IRX1: variants seen among roughly 807,000 people sequenced by gnomAD.
The protein encoded by IRX1 is iroquois-class homeodomain protein IRX-1.
A neutral mutation model predicts 34.1 loss-of-function variants in IRX1; 22 were observed. The observed-to-expected ratio is 0.64, with a 90% confidence interval of 0.46 to 0.92. IRX1 has a LOEUF of 0.92. Ranked by LOEUF, IRX1 falls within the 40% of genes least tolerant of loss-of-function variation. The pLI is 0.00. For missense variants in IRX1, 758 were observed against 680.0 expected (o/e 1.11, Z -1.28); for synonymous variants, 363 against 319.0 (o/e 1.14, Z -1.47).
chr5:3,601,279 GC>G lies in IRX1; in HGVS notation c.*244del, dbSNP rs753958481. ...GCTGCGATTATCGGGTTCGGTAAATGCCCCCACGTGCTTGTGTCTCTTTCCC... is the reference window on the plus strand; with the variant it reads ...GCTGCGATTATCGGGTTCGGTAAATGCCCCACGTGCTTGTGTCTCTTTCCC... On this transcript the variant is annotated 3_prime_UTR_variant, in exon 4 of 4. Transcript: ENST00000302006. The G allele has an allele frequency of 4.0e-4, 231 of 572,660 alleles. 1 individual carries two copies. Among genetic ancestry groups the G allele is most frequent in the Non-Finnish European group, 2.3e-4 (74 of 320,102 alleles). The allele number at this position is 572,660 out of a possible 1,614,324, so 35.5% of individuals were successfully genotyped here. A position where few individuals can be genotyped will look rare whatever the true frequency, so the allele number is the denominator to read the frequency against.
chr5:3,598,701 A>T (rs1313545954), intron 1 of IRX1, among the ~76,000 whole-genome samples: 3 of 152,098 alleles, frequency 2.0e-5, no homozygotes, highest in East Asian at 3.9e-4. Flanking sequence ...AAAACCCGGG[A>T]TGGTTTATTT....
rs780209544 is a variant in IRX1 at position 3,600,686 on chromosome 5, G to A, written c.1385+5G>A. On this transcript the variant is annotated splice_donor_5th_base_variant and intron_variant, in intron 3 of 3. Transcript: ENST00000302006. The stretch of plus-strand genomic sequence containing the variant: ...CTTCCAGCCGGTACGCGACAAGTGA[G>A]TGCTGTTTGCTTTTGCTATGGGAGA... The A allele has an allele frequency of 1.9e-6, 3 of 1,613,192 alleles. No individual in the cohort carries two copies. The highest frequency in any genetic ancestry group is 3.3e-5 in the Admixed American group (2 of 60,020).
rs564478294 is a variant in IRX1, at chr5:3,596,184, G to A, written c.79G>A (p.Val27Met). 2,593 of 1,029,522 alleles carry A rather than the reference G, an allele frequency of 2.5e-3. 20 individuals are homozygous for A. Among genetic ancestry groups the A allele is most frequent in the African/African-American group, 0.023 (1,338 of 57,804 alleles). The allele number at this position is 1,029,522 out of a possible 1,614,324, so 63.8% of individuals were successfully genotyped here. Reference protein sequence around the residue: ...PGAYGGERPGVLAAAAAAAAA... With the variant: ...PGAYGGERPGMLAAAAAAAAA... The stretch of plus-strand genomic sequence containing the variant: ...CGCCTACGGCGGCGAGCGCCCGGGG[G>A]TGCTGGCCGCGGCCGCTGCGGCGGC... Residue 27 changes from valine to methionine, a missense_variant, in exon 1 of 4, where the codon GTG becomes ATG. Val to Met is a conservative substitution (Grantham distance 21). This residue lies in a region of IRX1 where 195 missense variants were observed against 195.0 expected (regional missense o/e 1.00). Coordinates refer to ENST00000302006, the MANE Select transcript of IRX1 (RefSeq NM_024337.4).
At position 3,599,962 on chromosome 5, in the gene IRX1, G is replaced by T; in HGVS notation, c.1014G>T (p.Ala338=). ...GAPKASPPPP[A]GHPGAHGPSA... ...CCAAGGCTTCGCCACCACCACCCGC[G>T]GGCCACCCCGGCGCGCACGGGCCCT... is the stretch of plus-strand genomic sequence containing the variant. The change falls in exon 2 of 4, where the codon GCG becomes GCT. Residue 338 remains alanine, a synonymous_variant. Transcript: ENST00000302006. This position sits in a 1 kb window ranked among gnomAD's most constrained non-coding sequence, Gnocchi z 6.6. 6.7e-7 allele frequency: 1 copy of T among 1,502,772 alleles called. No individual in the cohort carries two copies. Among genetic ancestry groups the T allele is most frequent in the South Asian group, 1.3e-5 (1 of 77,530 alleles). The allele number at this position is 1,502,772 out of a possible 1,614,324, so 93.1% of individuals were successfully genotyped here. A position where few individuals can be genotyped will look rare whatever the true frequency, so the allele number is the denominator to read the frequency against.
chr5:3,598,458 C>T (rs1397498424), intron 1 of IRX1, among the ~76,000 whole-genome samples: 1 of 152,104 alleles, frequency 6.6e-6, no homozygotes, highest in East Asian at 1.9e-4. Flanking sequence ...CCCTCCTGGC[C>T]GCCGGTGGCT....
intron 1 of IRX1, 40 bp downstream of exon 1, chr5:3,596,421 C>G: frequency 1.4e-6 from 2 of 1,446,998 alleles, no homozygotes; most frequent in Non-Finnish European, 1.8e-6. Flanking sequence ...CTCTGTCTCA[C>G]CCGCGCCAGG....
chr5:3,599,190 T>G lies in IRX1; in HGVS notation c.277-35T>G. On this transcript the variant is annotated intron_variant, in intron 1 of 3. Transcript: ENST00000302006. The surrounding 1 kb of genome is among the most constrained non-coding windows in gnomAD (Gnocchi z 6.6). ...TCCCTTTCTCTCTCCACTTCCCTCC[T>G]CTCTCTCCTCGATGGATCTGCCCTG... 1 of 1,581,646 alleles carries G rather than the reference T, an allele frequency of 6.3e-7. No homozygotes were observed. The highest frequency in any genetic ancestry group is 1.7e-5 in the Admixed American group (1 of 58,344).
chr5:3,598,963 C>T (rs569400966), intron 1 of IRX1, among the ~76,000 whole-genome samples: 3 of 152,136 alleles, frequency 2.0e-5, no homozygotes, highest in Admixed American at 2.0e-4. Context: ...GTGGCAAAAA[C>T]GATCTCCACT....
At chr5:3,598,615 C>CCCA in intron 1 of IRX1, among the ~76,000 whole-genome samples, 1 of 152,236 alleles carries the variant, frequency 6.6e-6, no homozygotes, top group Middle Eastern at 3.4e-3. Context: ...TGTGGGTAAA[C>CCCA]CATTATATGC....
At chr5:3,597,702 T>C (rs1329920934) in intron 1 of IRX1, among the ~76,000 whole-genome samples, 1 of 152,188 alleles carries the variant, frequency 6.6e-6, no homozygotes, top group Non-Finnish European at 1.5e-5. Context: ...AAGCGCAAAG[T>C]ACATTTTGGA....
chr5:3,600,421 A>G (rs1328753703), intron 2 of IRX1, among the ~76,000 whole-genome samples, 161 bp downstream of exon 2: 1 of 152,176 alleles, frequency 6.6e-6, no homozygotes, highest in East Asian at 1.9e-4. Flanking sequence ...AAAGCCAGAC[A>G]AGGCCCTAGG....
intron 1 of IRX1, among the ~76,000 whole-genome samples, chr5:3,598,530 G>A (rs1250477670): frequency 5.9e-5 from 9 of 151,446 alleles, no homozygotes; most frequent in Admixed American, 3.3e-4. Context: ...AAAAAAAATG[G>A]TGTTTTTGTT....
At position 3,598,422 on chromosome 5, in the gene IRX1, A is replaced by AG. The variant is rs1312096509; in HGVS notation, c.277-802dup. On this transcript the variant is annotated intron_variant, in intron 1 of 3. Coordinates refer to ENST00000302006, the MANE Select transcript of IRX1 (RefSeq NM_024337.4). Reference sequence around the variant, plus strand: ...AACTTAAGAGATGAAGTAACTGAGAAGAGGCCTAGGATACTGAACCGGTTC... The same window carrying AG: ...AACTTAAGAGATGAAGTAACTGAGAAGGAGGCCTAGGATACTGAACCGGTTC... Among the ~76,000 whole-genome samples, 7 of 152,308 alleles carry AG rather than the reference A, an allele frequency of 4.6e-5. No individual in the cohort carries two copies. The East Asian group carries it at 1.2e-3, about 25-fold the overall frequency.
rs780118042 is a variant in IRX1, at chr5:3,599,709, C to A, written c.761C>A (p.Ala254Glu). The change falls in exon 2 of 4, where the codon GCG (alanine) becomes GAG (glutamate). Residue 254 changes from alanine to glutamate, a missense_variant. Ala to Glu is a moderately radical substitution (Grantham distance 107, BLOSUM62 -1). Around this residue, in one of 3 missense-constraint regions of IRX1, gnomAD observed 529 missense variants for 418.8 expected, o/e 1.26. Coordinates refer to ENST00000302006, the MANE Select transcript of IRX1 (RefSeq NM_024337.4). The surrounding 1 kb of genome is among the most constrained non-coding windows in gnomAD (Gnocchi z 6.6). ...GAGGACAAGGCCGAGGCTCCGCACG[C>A]GCCCGCAGCCCCTTCTGCTCTTGCC... is the stretch of plus-strand genomic sequence containing the variant. ...DDEDKAEAPH[A>E]PAAPSALARD... 1.2e-6 allele frequency: 2 copies of A among 1,612,808 alleles called. No homozygotes were observed. Among genetic ancestry groups the A allele is most frequent in the Non-Finnish European group, 8.5e-7 (1 of 1,179,966 alleles).
Position 3,599,163 on chromosome 5 carries a change from T to C in IRX1, c.277-62T>C, listed in dbSNP as rs1733873001. 1.3e-6 allele frequency: 2 copies of C among 1,500,488 alleles called. No individual in the cohort carries two copies. Among genetic ancestry groups the C allele is most frequent in the South Asian group, 1.2e-5 (1 of 80,054 alleles). 92.9% of individuals were successfully genotyped at this position (1,500,488 alleles called of 1,614,324 possible). A position where few individuals can be genotyped will look rare whatever the true frequency, so the allele number is the denominator to read the frequency against. On this transcript the variant is annotated intron_variant, in intron 1 of 3. Transcript: ENST00000302006. This position sits in a 1 kb window ranked among gnomAD's most constrained non-coding sequence, Gnocchi z 6.6. ...TTGGGGACTCATGTCTCTCTCTCTC[T>C]CTCCCTTTCTCTCTCCACTTCCCTC... is the stretch of plus-strand genomic sequence containing the variant.
chr5:3,600,562 C>G (rs1490955818), intron 2 of IRX1, 47 bp from the exon 3 acceptor site: 5 of 1,551,884 alleles, frequency 3.2e-6, no homozygotes, highest in East Asian at 2.2e-5. Context: ...TGGGACCTCT[C>G]CCGCCCGTCT....
In IRX1 at chr5:3,599,338, G is replaced by A. The variant is rs773995407; in HGVS notation, c.390G>A (p.Arg130=). The A allele has an allele frequency of 6.2e-7, 1 of 1,614,078 alleles. No individual in the cohort carries two copies. The highest frequency in any genetic ancestry group is 8.5e-7 in the Non-Finnish European group (1 of 1,180,028). ...AGTTCCAATACGGGGACCCCGGGCGGCCCAAGAACGCCACCCGCGAGAGCA... is the reference window on the plus strand; with the variant it reads ...AGTTCCAATACGGGGACCCCGGGCGACCCAAGAACGCCACCCGCGAGAGCA... ...YGQFQYGDPG[R]PKNATRESTS... is the part of the protein sequence containing the mutation. Residue 130 remains arginine (R), a synonymous_variant, in exon 2 of 4, where the codon CGG becomes CGA. Coordinates refer to ENST00000302006, the MANE Select transcript of IRX1 (RefSeq NM_024337.4). This position sits in a 1 kb window ranked among gnomAD's most constrained non-coding sequence, Gnocchi z 6.6.
In IRX1 at chr5:3,601,010, G is replaced by A. The variant is rs766443357; in HGVS notation, c.1413G>A (p.Pro471=). The part of the protein sequence containing the change: ...DNSLAPQEGT[P]RILAALPSA ...CTCTGGCCCCGCAGGAGGGAACGCC[G>A]CGGATCCTAGCAGCCCTCCCGTCCG... Residue 471 remains proline, a synonymous_variant, in exon 4 of 4, where the codon CCG becomes CCA. Coordinates refer to ENST00000302006, the MANE Select transcript of IRX1 (RefSeq NM_024337.4). The A allele has an allele frequency of 2.5e-6, 4 of 1,612,628 alleles. No homozygotes were observed. In the African/African-American group the frequency reaches 5.4e-5, roughly 22 times the overall value.
At position 3,599,124 on chromosome 5, in the gene IRX1, C is replaced by G; in HGVS notation, c.277-101C>G. The G allele has an allele frequency of 2.4e-6, 3 of 1,269,956 alleles. No individual in the cohort carries two copies. The highest frequency in any genetic ancestry group is 1.5e-5 in the South Asian group (1 of 67,794). The allele number at this position is 1,269,956 out of a possible 1,614,324, so 78.7% of individuals were successfully genotyped here. A position where few individuals can be genotyped will look rare whatever the true frequency, so the allele number is the denominator to read the frequency against. ...CTCGAGTCCATTGAAGCGGCTGCTT[C>G]CCACTCTCCCGTCTTGGGGACTCAT... On this transcript the variant is annotated intron_variant, in intron 1 of 3. Transcript: ENST00000302006. The surrounding 1 kb of genome is among the most constrained non-coding windows in gnomAD (Gnocchi z 6.6).
Sources: gnomAD v4.1 joint callset for allele counts (sites outside exome capture counted in the v4.1 genomes callset) on GRCh38, gnomAD v4.1.1 for gene constraint, gnomAD v4.1.1 regional missense constraint, Gnocchi (gnomAD v3.1) non-coding constraint, MANE v1.5 for transcripts, NCBI Gene and HGNC (gene_info 2026-07-23, HGNC 2026-07-21) for gene names.